The following MYO1E variants were observed in gnomAD, a reference collection of about 807,000 sequenced individuals.
The protein encoded by MYO1E is myosin IE.
MYO1E carries 68 observed loss-of-function variants against 151.1 expected under a neutral mutation model. The ratio of observed to expected loss-of-function variants is 0.45; its 90% CI spans 0.37 to 0.55. The LOEUF is 0.55. MYO1E is among the 20% of genes least tolerant of loss of function. MYO1E has a pLI of 0.00. For missense variants in MYO1E, 1,363 were observed against 1,389.3 expected (o/e 0.98, Z 0.30); for synonymous variants, 601 against 501.7 (o/e 1.20, Z -2.64).
chr15:59,215,402 T>A (rs767592766), intron 10 of MYO1E, among the ~76,000 whole-genome samples: 24 of 152,178 alleles, frequency 1.6e-4, no homozygotes, highest in Non-Finnish European at 3.1e-4. Flanking sequence ...AAGGCTTGCT[T>A]AAGGTTGTTC....
At chr15:59,142,435 G>T (rs2140300511) in intron 26 of MYO1E, among the ~76,000 whole-genome samples, 1 of 152,308 alleles carries the variant, frequency 6.6e-6, no homozygotes, top group East Asian at 1.9e-4. Flanking sequence ...TGAGAGGTAA[G>T]ACCCTCCCTG....
intron 1 of MYO1E, among the ~76,000 whole-genome samples, chr15:59,290,192 C>CT (rs1337301206): frequency 1.3e-5 from 2 of 152,170 alleles, no homozygotes; most frequent in African/African-American, 4.8e-5. Context: ...CTTTAGAAAC[C>CT]TGGCAGCTTC....
intron 18 of MYO1E, among the ~76,000 whole-genome samples, chr15:59,178,978 T>G (rs1209187376): frequency 6.6e-6 from 1 of 152,252 alleles, no homozygotes; most frequent in Non-Finnish European, 1.5e-5. Flanking sequence ...CAACTGTGTA[T>G]CAACTTTCAC....
At chr15:59,265,611 A>T (rs1329923705) in intron 2 of MYO1E, among the ~76,000 whole-genome samples, 6 of 152,134 alleles carry the variant, frequency 3.9e-5, no homozygotes, top group African/African-American at 1.4e-4. Flanking sequence ...CCCTAAATTT[A>T]TCAGTAGGGT....
intron 4 of MYO1E, among the ~76,000 whole-genome samples, chr15:59,237,284 C>G (rs1304738983): frequency 1.3e-5 from 2 of 152,106 alleles, no homozygotes; most frequent in African/African-American, 4.8e-5. Context: ...AACCATGTGC[C>G]TTGAATTGAT....
rs373660379 is a variant in MYO1E at position 59,294,661 on chromosome 15, C to T, written c.4-22212G>A. 1.5e-4 allele frequency among the ~76,000 whole-genome samples: 23 copies of T among 152,272 alleles called. No homozygotes were observed. In the East Asian group the frequency reaches 2.5e-3, roughly 17 times the overall value. ...CCCTGTCGTTTCAGCCCCCACAGGACGGGGGTTTGACTCTTCCTAACAGCC... is the reference window on the plus strand; with the variant it reads ...CCCTGTCGTTTCAGCCCCCACAGGATGGGGGTTTGACTCTTCCTAACAGCC... On this transcript the variant is annotated intron_variant, in intron 1 of 27. Coordinates refer to ENST00000288235, the MANE Select transcript of MYO1E (RefSeq NM_004998.4).
At chr15:59,362,056 C>T (rs2080888821) in intron 1 of MYO1E, among the ~76,000 whole-genome samples, 2 of 152,004 alleles carry the variant, frequency 1.3e-5, no homozygotes, top group African/African-American at 2.4e-5. Flanking sequence ...AGGCTGGTCT[C>T]GAACTCCTGA....
intron 4 of MYO1E, among the ~76,000 whole-genome samples, chr15:59,238,530 T>A (rs925748870): frequency 6.6e-6 from 1 of 152,160 alleles, no homozygotes; most frequent in Non-Finnish European, 1.5e-5. Context: ...AAAAACAAAT[T>A]GACAAGGAAA....
intron 15 of MYO1E, among the ~76,000 whole-genome samples, chr15:59,204,457 G>C (rs749779871): frequency 6.6e-6 from 1 of 152,216 alleles, no homozygotes; most frequent in Non-Finnish European, 1.5e-5. Context: ...AGAGCAAAAG[G>C]GCAGCTCTTA....
At chr15:59,349,093 G>T (rs1404005351) in intron 1 of MYO1E, among the ~76,000 whole-genome samples, 1 of 152,100 alleles carries the variant, frequency 6.6e-6, no homozygotes, top group Admixed American at 6.5e-5. Flanking sequence ...ATTTTGTTGA[G>T]CCTAGATCTA....
At chr15:59,196,828 A>G (rs2079769052) in intron 16 of MYO1E, among the ~76,000 whole-genome samples, 1 of 152,130 alleles carries the variant, frequency 6.6e-6, no homozygotes, top group Admixed American at 6.6e-5. Flanking sequence ...TGCAGACTGC[A>G]CTTGAGAACA....
At chr15:59,224,024 G>T (rs1596373607) in intron 8 of MYO1E, among the ~76,000 whole-genome samples, 1 of 152,222 alleles carries the variant, frequency 6.6e-6, no homozygotes, top group African/African-American at 2.4e-5. Context: ...TTCTGGATCT[G>T]GGTTGAGGAA....
chr15:59,195,187 A>G lies in MYO1E; in HGVS notation c.1805+274T>C, dbSNP rs7162863. On this transcript the variant is annotated intron_variant, in intron 17 of 27. Transcript: ENST00000288235. ...AAAACCATCATGACTCTGCGGTATGAGGTTATGTTTTGTTTTTTTTCCATC... is the reference window on the plus strand; with the variant it reads ...AAAACCATCATGACTCTGCGGTATGGGGTTATGTTTTGTTTTTTTTCCATC... Among the ~76,000 whole-genome samples the G allele has an allele frequency of 0.57, 86,906 of 152,084 alleles. 27,361 individuals carry two copies. Among genetic ancestry groups the G allele is most frequent in the Middle Eastern group, 0.74 (218 of 294 alleles).
chr15:59,233,838 C>T (rs2140356209), intron 5 of MYO1E, among the ~76,000 whole-genome samples: 1 of 151,004 alleles, frequency 6.6e-6, no homozygotes, highest in Non-Finnish European at 1.5e-5. Flanking sequence ...CATAAGCTAC[C>T]CCAACTGAGG....
chr15:59,219,674 C>T (rs1224434138), intron 9 of MYO1E, among the ~76,000 whole-genome samples: 1 of 152,194 alleles, frequency 6.6e-6, no homozygotes, highest in Non-Finnish European at 1.5e-5. Flanking sequence ...AAATCAAATG[C>T]ACTGATCTGA....
chr15:59,325,041 T>C (rs1474906878), intron 1 of MYO1E, among the ~76,000 whole-genome samples: 1 of 152,064 alleles, frequency 6.6e-6, no homozygotes, highest in African/African-American at 2.4e-5. Flanking sequence ...TTTTCTTTTT[T>C]TTTTTTATTT....
At chr15:59,182,612 A>G (rs2079670457) in intron 18 of MYO1E, among the ~76,000 whole-genome samples, 1 of 152,244 alleles carries the variant, frequency 6.6e-6, no homozygotes, top group Non-Finnish European at 1.5e-5. Context: ...GGAAAAGCTT[A>G]CAGCAGGAGA....
chr15:59,215,492 C>T (rs2079907790), intron 10 of MYO1E, among the ~76,000 whole-genome samples: 1 of 151,860 alleles, frequency 6.6e-6, no homozygotes, highest in African/African-American at 2.4e-5. Flanking sequence ...TGAGAAGAGG[C>T]CAAGCAATTC....
In MYO1E at chr15:59,297,566, C is replaced by T. The variant is rs573156069; in HGVS notation, c.4-25117G>A. On this transcript the variant is annotated intron_variant, in intron 1 of 27. Coordinates refer to ENST00000288235, the MANE Select transcript of MYO1E (RefSeq NM_004998.4). The stretch of plus-strand genomic sequence containing the variant: ...CCAAAGTGCTGGGATAAAAAGCCAC[C>T]ATGTCTGGCTTTTAAAATTTTTATA... 2.0e-5 allele frequency among the ~76,000 whole-genome samples: 3 copies of T among 151,230 alleles called. No individual in the cohort carries two copies. The East Asian group carries it at 5.8e-4, about 29-fold the overall frequency.
Sources: allele counts gnomAD v4.1 joint callset (sites outside exome capture counted in the v4.1 genomes callset), GRCh38; gene constraint gnomAD v4.1.1; transcripts MANE v1.5; gene names NCBI Gene and HGNC (gene_info 2026-07-23, HGNC 2026-07-21).